Variants in BSPRY observed in about 807,000 individuals in gnomAD.
The protein encoded by BSPRY is B-box and SPRY domain containing, also known as B box and SPRY domain-containing protein.
A neutral mutation model predicts 38.0 loss-of-function variants in BSPRY; 33 were observed. That is an observed-to-expected ratio of 0.87 (90% CI 0.66 to 1.16). The LOEUF is 1.16. Ranked by LOEUF, BSPRY falls within the 50% of genes most tolerant of loss-of-function variation. BSPRY has a pLI of 0.00. For missense variants in BSPRY, 523 were observed against 533.2 expected, an observed-to-expected ratio of 0.98 and a Z score of 0.19; for synonymous variants, 224 against 228.5, an observed-to-expected ratio of 0.98 and a Z score of 0.18.
Position 113,370,309 on chromosome 9 carries a change from A to G in BSPRY, c.*167A>G. ...GGGATCTGTTTCAGATCTAGGCATA[A>G]CCTGTAAATCACAGGTGTCCAAACT... On this transcript the variant is annotated 3_prime_UTR_variant, in exon 6 of 6. Transcript: ENST00000374183. The surrounding 1 kb of genome is among the most constrained non-coding windows in gnomAD (Gnocchi z 4.8). 1 of 766,248 alleles carries G rather than the reference A, an allele frequency of 1.3e-6. No homozygotes were observed. The highest frequency in any genetic ancestry group is 3.1e-5 in the South Asian group (1 of 32,012). The allele number at this position is 766,248 out of a possible 1,614,324, so 47.5% of individuals were successfully genotyped here. A position where few individuals can be genotyped will look rare whatever the true frequency, so the allele number is the denominator to read the frequency against.
At chr9:113,353,721 A>T (rs7025517) in intron 1 of BSPRY, among the ~76,000 whole-genome samples, 84,372 of 151,882 alleles carry the variant, frequency 0.56, 23,739 homozygotes, top group South Asian at 0.65. Context: ...AATAAATAAA[A>T]AAAAATAAAA....
Position 113,360,616 on chromosome 9 carries a change from A to C in BSPRY, c.410A>C (p.Glu137Ala). The C allele has an allele frequency of 6.2e-7, 1 of 1,608,988 alleles. No individual in the cohort carries two copies. Among genetic ancestry groups the C allele is most frequent in the Non-Finnish European group, 8.5e-7 (1 of 1,178,780 alleles). ...RLLEQVHGEE[E>A]RAHQSILTQR... ...CTGGAACAGGTGCATGGCGAAGAGG[A>C]GCGGGCCCACCAGAGCATCCTGACA... Residue 137 changes from glutamate to alanine, a missense_variant, in exon 3 of 6, where the codon GAG (glutamate) becomes GCG (alanine). Coordinates refer to ENST00000374183, the MANE Select transcript of BSPRY (RefSeq NM_017688.3).
intron 3 of BSPRY, among the ~76,000 whole-genome samples, chr9:113,361,597 G>T (rs923491379): frequency 6.6e-6 from 1 of 152,100 alleles, no homozygotes; most frequent in African/African-American, 2.4e-5. Context: ...GAAGGTTCCC[G>T]GATGAAGCGA....
intron 1 of BSPRY, among the ~76,000 whole-genome samples, chr9:113,351,861 G>A (rs1299299284): frequency 6.6e-6 from 1 of 151,966 alleles, no homozygotes; most frequent in Non-Finnish European, 1.5e-5. Flanking sequence ...GGAGTGTGGA[G>A]TGCAGTGGTG....
chr9:113,351,614 A>G (rs943834442), intron 1 of BSPRY, among the ~76,000 whole-genome samples: 5 of 152,148 alleles, frequency 3.3e-5, no homozygotes, highest in African/African-American at 9.7e-5. Flanking sequence ...GCCTTTTGGC[A>G]GATGGAACTG....
chr9:113,368,254 A>G lies in BSPRY; in HGVS notation c.558-5A>G. 1.2e-6 allele frequency: 2 copies of G among 1,613,820 alleles called. No homozygotes were observed. Among genetic ancestry groups the G allele is most frequent in the Non-Finnish European group, 8.5e-7 (1 of 1,179,822 alleles). ...AATCTCTGTCTCTGTTTTTCCCCATATAAGGACCGAAGAAGCAGAGGGCAT... is the reference window on the plus strand; with the variant it reads ...AATCTCTGTCTCTGTTTTTCCCCATGTAAGGACCGAAGAAGCAGAGGGCAT... On this transcript the variant is annotated splice_polypyrimidine_tract_variant and splice_region_variant and intron_variant, in intron 4 of 5. Coordinates refer to ENST00000374183, the MANE Select transcript of BSPRY (RefSeq NM_017688.3).
chr9:113,349,829 G>A (rs1051196963), intron 1 of BSPRY, 49 bp downstream of exon 1: 24 of 1,210,022 alleles, frequency 2.0e-5, no homozygotes, highest in Non-Finnish European at 2.5e-5. Flanking sequence ...GACCCCGGGC[G>A]CGCCTGGCGG....
At position 113,352,054 on chromosome 9, in the gene BSPRY, G is replaced by A. The variant is rs535422890; in HGVS notation, c.202-2186G>A. 6.6e-5 allele frequency among the ~76,000 whole-genome samples: 10 copies of A among 152,048 alleles called. No homozygotes were observed. The East Asian group carries it at 1.9e-3, about 29-fold the overall frequency. On this transcript the variant is annotated intron_variant, in intron 1 of 5. Transcript: ENST00000374183. ...TCGAACTCCTGATCTCAGGTGATCC[G>A]CCCACCTCAGCCTCCCAAAGTGTTG...
chr9:113,360,474 G>C (rs993781529), intron 2 of BSPRY, 33 bp from the exon 3 acceptor site: 11 of 1,562,214 alleles, frequency 7.0e-6, no homozygotes, highest in Non-Finnish European at 9.5e-6. Flanking sequence ...GCTTTGCACA[G>C]ACCACCCAAC....
intron 2 of BSPRY, among the ~76,000 whole-genome samples, chr9:113,358,358 T>G (rs969494469): frequency 2.0e-5 from 3 of 152,032 alleles, no homozygotes; most frequent in South Asian, 4.2e-4. Flanking sequence ...AGCCTCCACC[T>G]CCCAGCTTCA....
chr9:113,368,290 C>G lies in BSPRY; in HGVS notation c.589C>G (p.Gln197Glu), dbSNP rs770830564. The change falls in exon 5 of 6, where the codon CAG (glutamine) becomes GAG (glutamate). Residue 197 changes from glutamine to glutamate, a missense_variant. Transcript: ENST00000374183. ...TEEAEGILDP[Q>E]ESEMLNFNEK... ...AGAAGCAGAGGGCATTTTGGATCCC[C>G]AGGAGTCGGAAATGTTAAACTTTAA... The G allele has an allele frequency of 3.1e-6, 5 of 1,614,148 alleles. No individual in the cohort carries two copies. In the East Asian group the frequency reaches 8.9e-5, roughly 29 times the overall value.
chr9:113,367,704 C>G (rs1025292855), intron 4 of BSPRY, among the ~76,000 whole-genome samples: 13 of 152,198 alleles, frequency 8.5e-5, no homozygotes, highest in Admixed American at 6.5e-5. Flanking sequence ...ATTTCTAATA[C>G]TGGCACCAAG....
intron 2 of BSPRY, among the ~76,000 whole-genome samples, chr9:113,357,243 G>A (rs577044620): frequency 6.6e-6 from 1 of 152,122 alleles, no homozygotes; most frequent in African/African-American, 2.4e-5. Flanking sequence ...CTCTCAAATG[G>A]TGTATATTTA....
At chr9:113,368,137 G>A in intron 4 of BSPRY, 122 bp from the exon 5 acceptor site, 1 of 1,292,286 alleles carries the variant, frequency 7.7e-7, no homozygotes, top group Non-Finnish European at 1.1e-6. Context: ...CCTGGCCCTA[G>A]CTGCCAATCT....
At chr9:113,363,741 GGT>G (rs762045125) in intron 4 of BSPRY, among the ~76,000 whole-genome samples, 13 of 151,700 alleles carry the variant, frequency 8.6e-5, no homozygotes, top group Non-Finnish European at 1.3e-4. Context: ...AATTAGGTGT[GGT>G]GGTGTGTGCC....
chr9:113,349,619 T>TCCGGGC lies in BSPRY; in HGVS notation c.48_53dup (p.Gly19_Pro20dup), dbSNP rs761155943. 7.1e-4 allele frequency: 851 copies of TCCGGGC among 1,200,118 alleles called. 2 individuals are homozygous for TCCGGGC. Among genetic ancestry groups the TCCGGGC allele is most frequent in the Admixed American group, 1.4e-3 (32 of 22,552 alleles). The allele number at this position is 1,200,118 out of a possible 1,614,324, so 74.3% of individuals were successfully genotyped here. ...CGCGGAGCCGGGGCCGGGGTCCGGG[T>TCCGGGC]CCGGGCCCGGGCCGGGGCCACTCTG... On this transcript the variant is annotated inframe_insertion, in exon 1 of 6. Coordinates refer to ENST00000374183, the MANE Select transcript of BSPRY (RefSeq NM_017688.3).
At chr9:113,361,818 A>G (rs147907433) in intron 3 of BSPRY, among the ~76,000 whole-genome samples, 1 of 152,340 alleles carries the variant, frequency 6.6e-6, no homozygotes, top group East Asian at 1.9e-4. Context: ...TATTTTATAT[A>G]GATAGGCAGC....
chr9:113,349,742 C>A lies in BSPRY; in HGVS notation c.163C>A (p.Arg55Ser), dbSNP rs1219340390. The A allele has an allele frequency of 1.7e-5, 21 of 1,238,408 alleles. No individual in the cohort carries two copies. Among genetic ancestry groups the A allele is most frequent in the Non-Finnish European group, 1.8e-5 (18 of 992,910 alleles). 76.7% of individuals were successfully genotyped at this position (1,238,408 alleles called of 1,614,324 possible). ...AGLGGRCRGH[R>S]IRRAEERAEE... ...GTTGGGCGGTCGCTGCCGGGGGCACCGCATCCGCCGGGCGGAGGAGCGCGC... is the reference window on the plus strand; with the variant it reads ...GTTGGGCGGTCGCTGCCGGGGGCACAGCATCCGCCGGGCGGAGGAGCGCGC... Residue 55 changes from arginine (R) to serine (S), a missense_variant, in exon 1 of 6, where the codon CGC becomes AGC. Coordinates refer to ENST00000374183, the MANE Select transcript of BSPRY (RefSeq NM_017688.3).
Position 113,370,256 on chromosome 9 carries a change from TA to T in BSPRY, c.*116del. 7.8e-7 allele frequency: 1 copy of T among 1,287,110 alleles called. No homozygotes were observed. The highest frequency in any genetic ancestry group is 2.4e-5 in the East Asian group (1 of 41,824). 79.7% of individuals were successfully genotyped at this position (1,287,110 alleles called of 1,614,324 possible). On this transcript the variant is annotated 3_prime_UTR_variant, in exon 6 of 6. Transcript: ENST00000374183. This position sits in a 1 kb window ranked among gnomAD's most constrained non-coding sequence, Gnocchi z 4.8. ...GTGTTTCTAAGAGAAACAGGGCCCATAACCAGTGGGCAGCTTTAGGAGGGAT... is the reference window on the plus strand; with the variant it reads ...GTGTTTCTAAGAGAAACAGGGCCCATACCAGTGGGCAGCTTTAGGAGGGAT...
Sources: allele counts gnomAD v4.1 joint callset (sites outside exome capture counted in the v4.1 genomes callset), GRCh38; gene constraint gnomAD v4.1.1; non-coding constraint Gnocchi (gnomAD v3.1); transcripts MANE v1.5; gene names NCBI Gene and HGNC (gene_info 2026-07-23, HGNC 2026-07-21).